The following PGR variants were observed in gnomAD, a reference collection of about 807,000 sequenced individuals.
PGR encodes progesterone receptor, also known as nuclear receptor subfamily 3 group C member 3.
PGR carries 25 observed loss-of-function variants against 76.1 expected under a neutral mutation model. The ratio of observed to expected loss-of-function variants is 0.33; its 90% CI spans 0.24 to 0.46. PGR has a LOEUF of 0.46. Among genes scored for constraint, PGR ranks in the 20% least tolerant of loss-of-function variants. The probability of loss-of-function intolerance (pLI) is 1.00; values close to 1 mark genes in which losing one functional copy is unlikely to be tolerated. For missense variants in PGR, 1,172 were observed against 1,225.3 expected (o/e 0.96, Z 0.65); for synonymous variants, 579 against 535.0 (o/e 1.08, Z -1.14).
At chr11:101,105,210 A>T (rs1318867850) in intron 2 of PGR, among the ~76,000 whole-genome samples, 4 of 152,152 alleles carry the variant, frequency 2.6e-5, no homozygotes, top group African/African-American at 9.7e-5. Context: ...TCTCTAAAAG[A>T]TATGGTACCA....
At chr11:101,099,656 C>T (rs950844577) in intron 2 of PGR, among the ~76,000 whole-genome samples, 3 of 152,152 alleles carry the variant, frequency 2.0e-5, no homozygotes, top group Admixed American at 6.5e-5. Flanking sequence ...AGCAGAGGGT[C>T]ACGGTCATGT....
Position 101,035,256 on chromosome 11 carries a change from C to G in PGR, c.*3860G>C, listed in dbSNP as rs1484802626. The G allele has an allele frequency of 1.3e-5, 3 of 225,668 alleles. No homozygotes were observed. The East Asian group carries it at 1.9e-4, about 14-fold the overall frequency. 14.0% of individuals were successfully genotyped at this position (225,668 alleles called of 1,614,324 possible). On this transcript the variant is annotated 3_prime_UTR_variant, in exon 8 of 8. Transcript: ENST00000325455. ...ATTTGAAAAAAAATGTATGTTTTGGCAAGTTTTGAATGCTTCTTATGCACA... is the reference window on the plus strand; with the variant it reads ...ATTTGAAAAAAAATGTATGTTTTGGGAAGTTTTGAATGCTTCTTATGCACA...
At chr11:101,100,368 C>T (rs1490991106) in intron 2 of PGR, among the ~76,000 whole-genome samples, 3 of 152,144 alleles carry the variant, frequency 2.0e-5, no homozygotes, top group Non-Finnish European at 1.5e-5. Flanking sequence ...TTCCTGAGGC[C>T]TTCCCAGCCA....
At chr11:101,078,542 T>G (rs1197053382) in intron 3 of PGR, among the ~76,000 whole-genome samples, 1 of 152,184 alleles carries the variant, frequency 6.6e-6, no homozygotes, top group Non-Finnish European at 1.5e-5. Context: ...AGAAGATATA[T>G]TATCATCCTT....
intron 4 of PGR, among the ~76,000 whole-genome samples, chr11:101,058,143 G>A (rs910990917): frequency 2.6e-5 from 4 of 152,168 alleles, no homozygotes; most frequent in African/African-American, 9.7e-5. Flanking sequence ...GCAAGAAATA[G>A]TTACTTTGCC....
chr11:101,037,384 T>C lies in PGR; in HGVS notation c.*1732A>G, dbSNP rs1859546722. The C allele has an allele frequency of 4.6e-6, 1 of 217,874 alleles. No individual in the cohort carries two copies. The highest frequency in any genetic ancestry group is 2.2e-5 in the African/African-American group (1 of 44,708). 13.5% of individuals were successfully genotyped at this position (217,874 alleles called of 1,614,324 possible). On this transcript the variant is annotated 3_prime_UTR_variant, in exon 8 of 8. Coordinates refer to ENST00000325455, the MANE Select transcript of PGR (RefSeq NM_000926.4). ...CTTCAGCTCCAAATTCTCATAAGGC[T>C]TATTAGCACATTTTTCTTGTGCTAA...
Position 101,062,709 on chromosome 11 carries a change from T to G in PGR, c.1950A>C (p.Ala650=), listed in dbSNP as rs763738789. Residue 650 remains alanine, a synonymous_variant, in exon 4 of 8, where the codon GCA becomes GCC. Transcript: ENST00000325455. The stretch of plus-strand genomic sequence containing the variant: ...GCTGTGGGAGAGCAACAGCATCCAG[T>G]GCTCTCACAACTCTGACTTTATTGA... ...KKFNKVRVVR[A]LDAVALPQPV... The G allele has an allele frequency of 6.8e-6, 11 of 1,613,736 alleles. No homozygotes were observed. The highest frequency in any genetic ancestry group is 9.3e-6 in the Non-Finnish European group (11 of 1,179,900).
At chr11:101,123,098 C>G (rs1255860222) in intron 2 of PGR, among the ~76,000 whole-genome samples, 1 of 152,174 alleles carries the variant, frequency 6.6e-6, no homozygotes, top group Non-Finnish European at 1.5e-5. Context: ...TGAATCCTGA[C>G]TTTACCATTT....
Position 101,128,958 on chromosome 11 carries a change from C to T in PGR, c.113G>A (p.Gly38Glu), listed in dbSNP as rs547307017. Residue 38 changes from glycine (G) to glutamate (E), a missense_variant, in exon 1 of 8, where the codon GGG becomes GAG. This residue lies in a region of PGR where 893 missense variants were observed against 785.9 expected (regional missense o/e 1.14). Coordinates refer to ENST00000325455, the MANE Select transcript of PGR (RefSeq NM_000926.4). ...LCRPAAGPFP[G>E]SQTSDTLPEV... is the part of the protein sequence containing the mutation. ...AGGCAAGGTGTCCGAGGTCTGGCTC[C>T]CCGGGAACGGACCTGCGGCTGGGCG... 86 of 1,607,592 alleles carry T rather than the reference C, an allele frequency of 5.3e-5. No individual in the cohort carries two copies. Among genetic ancestry groups the T allele is most frequent in the South Asian group, 1.4e-4 (13 of 90,472 alleles).
At chr11:101,071,306 A>C (rs1321844412) in intron 3 of PGR, among the ~76,000 whole-genome samples, 1 of 152,312 alleles carries the variant, frequency 6.6e-6, no homozygotes, top group East Asian at 1.9e-4. Flanking sequence ...GTCCACACAA[A>C]AACCCCATCT....
At chr11:101,127,104 T>C (rs1441883058) in intron 1 of PGR, 2 of 181,422 alleles carry the variant, frequency 1.1e-5, no homozygotes. Context: ...GCGGACCTAG[T>C]GTGACGCTGC....
chr11:101,115,803 G>A (rs1244452512), intron 2 of PGR, among the ~76,000 whole-genome samples: 2 of 151,942 alleles, frequency 1.3e-5, no homozygotes, highest in Admixed American at 6.6e-5. Flanking sequence ...GATAAGAATT[G>A]TTTATAAAAA....
At chr11:101,075,672 A>G (rs982680252) in intron 3 of PGR, among the ~76,000 whole-genome samples, 2 of 152,034 alleles carry the variant, frequency 1.3e-5, no homozygotes, top group African/African-American at 2.4e-5. Context: ...AAGGATATGA[A>G]CAGACACTTC....
intron 2 of PGR, among the ~76,000 whole-genome samples, chr11:101,106,243 A>G (rs963761828): frequency 3.3e-5 from 5 of 152,212 alleles, no homozygotes; most frequent in South Asian, 4.1e-4. Context: ...TAATTAAACT[A>G]AAGAACTTCT....
At chr11:101,068,627 T>G (rs1466220720) in intron 3 of PGR, among the ~76,000 whole-genome samples, 2 of 152,038 alleles carry the variant, frequency 1.3e-5, no homozygotes, top group African/African-American at 4.8e-5. Flanking sequence ...ATACTTCAAC[T>G]CTACAGTAAC....
chr11:101,039,398 C>A lies in PGR; in HGVS notation c.2647-127G>T. 3 of 740,848 alleles carry A rather than the reference C, an allele frequency of 4.0e-6. No individual in the cohort carries two copies. In the Admixed American group the frequency reaches 7.0e-5, roughly 17 times the overall value. 45.9% of individuals were successfully genotyped at this position (740,848 alleles called of 1,614,324 possible). A position where few individuals can be genotyped will look rare whatever the true frequency, so the allele number is the denominator to read the frequency against. ...TACTTCTCAAGGTGTTTTTTTCTTA[C>A]CATAGTGAAAATAACTCCCACCATT... On this transcript the variant is annotated intron_variant, in intron 7 of 7. Coordinates refer to ENST00000325455, the MANE Select transcript of PGR (RefSeq NM_000926.4).
intron 2 of PGR, among the ~76,000 whole-genome samples, chr11:101,119,526 C>T (rs529485404): frequency 1.2e-4 from 18 of 152,096 alleles, no homozygotes; most frequent in African/African-American, 3.9e-4. Context: ...TGCACAAATG[C>T]CAAAAAGATA....
chr11:101,077,228 C>A (rs1861158695), intron 3 of PGR, among the ~76,000 whole-genome samples: 1 of 151,988 alleles, frequency 6.6e-6, no homozygotes, highest in Non-Finnish European at 1.5e-5. Context: ...TGTCTAGAGG[C>A]ATGCTTCTAC....
chr11:101,043,926 G>A (rs1029318546), intron 6 of PGR, among the ~76,000 whole-genome samples: 8 of 152,136 alleles, frequency 5.3e-5, no homozygotes, highest in Admixed American at 1.3e-4. Flanking sequence ...CAGATTGAGC[G>A]TAATTCTTAA....
Sources: gnomAD v4.1 joint callset for allele counts (sites outside exome capture counted in the v4.1 genomes callset) on GRCh38, gnomAD v4.1.1 for gene constraint, gnomAD v4.1.1 regional missense constraint, MANE v1.5 for transcripts, NCBI Gene and HGNC (gene_info 2026-07-23, HGNC 2026-07-21) for gene names.